Variants in CSMD1 observed in about 807,000 individuals in gnomAD.
CSMD1 encodes CUB and sushi domain-containing protein 1.
A neutral mutation model predicts 417.5 loss-of-function variants in CSMD1; 213 were observed. The observed-to-expected ratio is 0.51, with a 90% CI of 0.46 to 0.57. The LOEUF (loss-of-function observed/expected upper bound fraction) is 0.57. CSMD1 is among the 20% of genes least tolerant of loss of function. The probability of loss-of-function intolerance (pLI) is 0.00; values close to 1 mark genes in which losing one functional copy is unlikely to be tolerated. For missense variants in CSMD1, 6,923 were observed against 4,529.7 expected (o/e 1.53, Z -15.17); for synonymous variants, 2,862 against 1,736.8 (o/e 1.65, Z -16.11).
rs566652566 is a variant in CSMD1 at position 3,085,663 on chromosome 8, G to T, written c.7474+1434C>A. ...CTTAGCATTAAATAGTTCTGCTGGG[G>T]TGTGGGGAGGCCATGGGAGAAGAAA... On this transcript the variant is annotated intron_variant, in intron 49 of 69. Coordinates refer to ENST00000635120, the MANE Select transcript of CSMD1 (RefSeq NM_033225.6). 2.0e-5 allele frequency among the ~76,000 whole-genome samples: 3 copies of T among 152,304 alleles called. No homozygotes were observed. In the South Asian group the frequency reaches 6.2e-4, roughly 32 times the overall value.
At chr8:4,470,707 CAAA>C (rs1215438476) in intron 2 of CSMD1, among the ~76,000 whole-genome samples, 1 of 152,028 alleles carries the variant, frequency 6.6e-6, no homozygotes, top group Non-Finnish European at 1.5e-5. Flanking sequence ...AGAGTAAAGA[CAAA>C]AAGAAGAAAG....
chr8:3,091,777 T>G, intron 47 of CSMD1, 115 bp from the exon 48 acceptor site: 3 of 832,558 alleles, frequency 3.6e-6, no homozygotes, highest in Non-Finnish European at 5.3e-6. Context: ...CAGATATAAT[T>G]ATTACAAAAG....
intron 1 of CSMD1, among the ~76,000 whole-genome samples, chr8:4,812,232 C>T (rs2117339362): frequency 6.6e-6 from 1 of 152,282 alleles, no homozygotes; most frequent in African/African-American, 2.4e-5. Flanking sequence ...GAGACACAAC[C>T]AGTCGAAGTC....
At chr8:3,774,717 C>A (rs1798806697) in intron 5 of CSMD1, among the ~76,000 whole-genome samples, 1 of 152,116 alleles carries the variant, frequency 6.6e-6, no homozygotes, top group Non-Finnish European at 1.5e-5. Flanking sequence ...TTCACGATTT[C>A]TGCTCTCAAA....
intron 18 of CSMD1, among the ~76,000 whole-genome samples, chr8:3,382,123 G>C (rs1358081640): frequency 6.6e-6 from 1 of 152,000 alleles, no homozygotes; most frequent in Non-Finnish European, 1.5e-5. Flanking sequence ...GCTGGGCATG[G>C]TGGTGGGAGC....
At chr8:3,641,708 C>T (rs1321161775) in intron 7 of CSMD1, among the ~76,000 whole-genome samples, 4 of 152,176 alleles carry the variant, frequency 2.6e-5, no homozygotes, top group Admixed American at 1.3e-4. Flanking sequence ...TCAGAACAGG[C>T]TGCAGGCTAA....
At chr8:4,656,906 T>TG (rs1804268138) in intron 1 of CSMD1, among the ~76,000 whole-genome samples, 1 of 152,042 alleles carries the variant, frequency 6.6e-6, no homozygotes, top group African/African-American at 2.4e-5. Flanking sequence ...CTAATCCATC[T>TG]GGGGGCGGCC....
chr8:3,527,965 C>G (rs1386240325), intron 10 of CSMD1, among the ~76,000 whole-genome samples: 1 of 152,082 alleles, frequency 6.6e-6, no homozygotes, highest in Non-Finnish European at 1.5e-5. Context: ...ATTCTGTGGC[C>G]TCCGCCCACC....
intron 5 of CSMD1, among the ~76,000 whole-genome samples, chr8:3,870,606 C>T (rs1309386895): frequency 6.6e-6 from 1 of 152,108 alleles, no homozygotes; most frequent in Non-Finnish European, 1.5e-5. Context: ...CCAAACTCTT[C>T]CAATATGTTT....
chr8:3,964,118 A>G (rs1203178613), intron 5 of CSMD1, among the ~76,000 whole-genome samples: 1 of 152,214 alleles, frequency 6.6e-6, no homozygotes, highest in Non-Finnish European at 1.5e-5. Context: ...CTTTCAGAAA[A>G]AAAAGTTTTG....
chr8:3,146,790 T>C (rs948375257), intron 40 of CSMD1, among the ~76,000 whole-genome samples: 1 of 152,216 alleles, frequency 6.6e-6, no homozygotes, highest in Non-Finnish European at 1.5e-5. Flanking sequence ...GCCAAACCAG[T>C]TAATCGCTTT....
chr8:4,091,173 C>T (rs1315365158), intron 3 of CSMD1, among the ~76,000 whole-genome samples: 1 of 152,082 alleles, frequency 6.6e-6, no homozygotes, highest in East Asian at 1.9e-4. Flanking sequence ...CATGGCTCGG[C>T]CTCCCAAAGT....
At chr8:3,486,017 G>A (rs1263763811) in intron 11 of CSMD1, among the ~76,000 whole-genome samples, 1 of 152,014 alleles carries the variant, frequency 6.6e-6, no homozygotes, top group Non-Finnish European at 1.5e-5. Flanking sequence ...AGTGACTATC[G>A]ATTCGAGTTC....
At chr8:3,076,564 C>T (rs947315021) in intron 49 of CSMD1, among the ~76,000 whole-genome samples, 8 of 152,208 alleles carry the variant, frequency 5.3e-5, no homozygotes, top group South Asian at 2.1e-4. Flanking sequence ...TCTGCTATGC[C>T]GGAGATGCTC....
At chr8:4,427,124 C>T (rs1797605242) in intron 2 of CSMD1, among the ~76,000 whole-genome samples, 1 of 151,972 alleles carries the variant, frequency 6.6e-6, no homozygotes, top group Non-Finnish European at 1.5e-5. Context: ...TTATAGAAAG[C>T]CTCTCCTGCC....
chr8:4,605,390 T>C lies in CSMD1; in HGVS notation c.302+31952A>G, dbSNP rs367670458. Among the ~76,000 whole-genome samples, 12 of 152,332 alleles carry C rather than the reference T, an allele frequency of 7.9e-5. No homozygotes were observed. The East Asian group carries it at 1.2e-3, about 15-fold the overall frequency. Reference sequence around the variant, plus strand: ...GTTGAGTCCTGTAAACCTAATTTTATAGATAAAGAATTGGAGGACCACTCT... The same window carrying C: ...GTTGAGTCCTGTAAACCTAATTTTACAGATAAAGAATTGGAGGACCACTCT... On this transcript the variant is annotated intron_variant, in intron 2 of 69. Coordinates refer to ENST00000635120, the MANE Select transcript of CSMD1 (RefSeq NM_033225.6).
intron 1 of CSMD1, among the ~76,000 whole-genome samples, chr8:4,674,296 G>A (rs1336794019): frequency 6.6e-6 from 1 of 152,154 alleles, no homozygotes; most frequent in Non-Finnish European, 1.5e-5. Flanking sequence ...AGGGCACAGG[G>A]ATGGACCTGG....
chr8:4,465,951 C>A (rs369636391), intron 2 of CSMD1, among the ~76,000 whole-genome samples: 10 of 152,222 alleles, frequency 6.6e-5, no homozygotes, highest in African/African-American at 2.2e-4. Flanking sequence ...TTATGTGCTT[C>A]CAATACCTTG....
At chr8:3,638,553 G>T (rs1191198233) in intron 7 of CSMD1, among the ~76,000 whole-genome samples, 2 of 152,166 alleles carry the variant, frequency 1.3e-5, no homozygotes, top group Non-Finnish European at 2.9e-5. Flanking sequence ...TTACAGAGGG[G>T]ATGCTTGTCC....
Sources: allele counts gnomAD v4.1 joint callset (sites outside exome capture counted in the v4.1 genomes callset), GRCh38; gene constraint gnomAD v4.1.1; transcripts MANE v1.5; gene names NCBI Gene and HGNC (gene_info 2026-07-23, HGNC 2026-07-21).